Variants in MGAT4C observed in about 807,000 individuals in gnomAD.
MGAT4C encodes the protein MGAT4 family member C, also known as alpha-1,3-mannosyl-glycoprotein 4-beta-N-acetylglucosaminyltransferase C.
In MGAT4C, 19 loss-of-function variants were observed where a neutral mutation model predicts 40.1. The ratio of observed to expected loss-of-function variants is 0.47; its 90% CI spans 0.33 to 0.70. MGAT4C has a LOEUF of 0.70. MGAT4C is among the 30% of genes least tolerant of loss of function. The probability of loss-of-function intolerance (pLI) is 0.02; values close to 1 mark genes in which losing one functional copy is unlikely to be tolerated. For missense variants in MGAT4C, 491 were observed against 563.2 expected (o/e 0.87, Z 1.30); for synonymous variants, 181 against 187.1 (o/e 0.97, Z 0.27).
At chr12:86,098,772 C>T (rs780010961) in intron 1 of MGAT4C, among the ~76,000 whole-genome samples, 1 of 151,524 alleles carries the variant, frequency 6.6e-6, no homozygotes, top group Non-Finnish European at 1.5e-5. Context: ...TGCATGTATT[C>T]TTCTGAATAA....
At chr12:86,327,432 A>G (rs1416781061) in intron 4 of MGAT4C, among the ~76,000 whole-genome samples, 2 of 151,898 alleles carry the variant, frequency 1.3e-5, no homozygotes, top group Non-Finnish European at 2.9e-5. Context: ...CCTAGTCACC[A>G]CCCTGCTAAC....
At chr12:86,615,774 A>G (rs776807379) in intron 2 of MGAT4C, among the ~76,000 whole-genome samples, 1 of 152,034 alleles carries the variant, frequency 6.6e-6, no homozygotes, top group Non-Finnish European at 1.5e-5. Context: ...ACATTTTAGT[A>G]TTTTCCCAAA....
intron 1 of MGAT4C, among the ~76,000 whole-genome samples, chr12:86,102,049 A>G (rs1875183412): frequency 6.6e-6 from 1 of 151,950 alleles, no homozygotes; most frequent in Admixed American, 6.6e-5. Flanking sequence ...CAGAGAAGAG[A>G]AATAAAATAA....
intron 2 of MGAT4C, among the ~76,000 whole-genome samples, chr12:86,550,476 G>A (rs988420775): frequency 1.3e-5 from 2 of 152,126 alleles, no homozygotes; most frequent in Non-Finnish European, 2.9e-5. Context: ...CATCTACTGT[G>A]ACCAAACTGC....
In MGAT4C at chr12:86,054,182, G is replaced by A. The variant is rs552088309; in HGVS notation, c.-56-4459C>T. 2.0e-5 allele frequency among the ~76,000 whole-genome samples: 3 copies of A among 152,114 alleles called. No homozygotes were observed. In the South Asian group the frequency reaches 6.2e-4, roughly 32 times the overall value. On this transcript the variant is annotated intron_variant, in intron 1 of 4. Transcript: ENST00000611864. Reference sequence around the variant, plus strand: ...CACTCTTCATAATAGCCAAGATATGGAGTCAACCCAAGTGTCCAGCAATGG... The same window carrying A: ...CACTCTTCATAATAGCCAAGATATGAAGTCAACCCAAGTGTCCAGCAATGG...
At chr12:86,462,964 T>C (rs1022187713) in intron 2 of MGAT4C, among the ~76,000 whole-genome samples, 22 of 62,354 alleles carry the variant, frequency 3.5e-4, no homozygotes, top group African/African-American at 1.6e-3. Flanking sequence ...CCAAGAACAA[T>C]ACTTTCCATC....
chr12:86,698,706 T>G (rs1031786549), intron 2 of MGAT4C, among the ~76,000 whole-genome samples: 1 of 152,098 alleles, frequency 6.6e-6, no homozygotes, highest in Non-Finnish European at 1.5e-5. Flanking sequence ...TGTTGATTTA[T>G]GTATGAGTGC....
chr12:86,014,252 G>GT (rs1888828573), intron 2 of MGAT4C, among the ~76,000 whole-genome samples: 2 of 152,086 alleles, frequency 1.3e-5, no homozygotes, highest in Non-Finnish European at 2.9e-5. Flanking sequence ...ATTACTGATG[G>GT]TTTTCCCTAC....
In MGAT4C at chr12:86,178,830, G is replaced by A. The variant is rs201008013; in HGVS notation, c.-57+77409C>T. Among the ~76,000 whole-genome samples the A allele has an allele frequency of 2.0e-5, 3 of 152,220 alleles. No individual in the cohort carries two copies. The East Asian group carries it at 5.8e-4, about 29-fold the overall frequency. ...CCAGTATGTTTCTCAATAATGCCTA[G>A]CTTATTTGACTCATAGATCCCTAAC... On this transcript the variant is annotated intron_variant, in intron 1 of 4. Coordinates refer to ENST00000611864, the MANE Select transcript of MGAT4C (RefSeq NM_001351288.2).
chr12:86,500,647 G>T (rs1057421927), intron 2 of MGAT4C, among the ~76,000 whole-genome samples: 8 of 151,882 alleles, frequency 5.3e-5, no homozygotes, highest in African/African-American at 1.9e-4. Flanking sequence ...TCTCAAACAT[G>T]TAAGGAAGAA....
At chr12:86,811,667 A>C (rs778298553) in intron 1 of MGAT4C, among the ~76,000 whole-genome samples, 3 of 151,146 alleles carry the variant, frequency 2.0e-5, no homozygotes, top group African/African-American at 4.8e-5. Flanking sequence ...ATGGCTGTAA[A>C]ATTTATATTA....
intron 1 of MGAT4C, among the ~76,000 whole-genome samples, chr12:86,787,439 C>G (rs2136189571): frequency 6.6e-6 from 1 of 151,772 alleles, no homozygotes; most frequent in Admixed American, 6.6e-5. Context: ...AATATACAAG[C>G]ATGGATATTT....
At chr12:86,383,774 T>A (rs1232068948) in intron 3 of MGAT4C, among the ~76,000 whole-genome samples, 4 of 152,072 alleles carry the variant, frequency 2.6e-5, no homozygotes, top group Non-Finnish European at 1.5e-5. Flanking sequence ...CAGATGAAAC[T>A]TTGGAATGTA....
intron 2 of MGAT4C, among the ~76,000 whole-genome samples, chr12:86,678,289 T>C (rs944973068): frequency 3.9e-5 from 6 of 152,076 alleles, no homozygotes; most frequent in Non-Finnish European, 7.4e-5. Flanking sequence ...TTCCTCAACT[T>C]ACCTTATTCC....
At chr12:86,208,191 C>T (rs112679336) in intron 1 of MGAT4C, among the ~76,000 whole-genome samples, 15 of 152,272 alleles carry the variant, frequency 9.9e-5, no homozygotes, top group Middle Eastern at 3.4e-3. Flanking sequence ...TCAAGCTGGG[C>T]GCAGTGGCTT....
intron 2 of MGAT4C, among the ~76,000 whole-genome samples, chr12:86,049,417 T>C (rs1420059220): frequency 1.3e-5 from 2 of 152,022 alleles, no homozygotes; most frequent in Non-Finnish European, 2.9e-5. Context: ...GATTTTCTTA[T>C]ATGGTTAACA....
In MGAT4C at chr12:86,394,185, T is replaced by G. The variant is rs189033461; in HGVS notation, c.-120+40972A>C. ...TTACTGAATCAACTTGGGGAATGTA[T>G]GCCTTCTTAATTCTCAATTAATAAA... On this transcript the variant is annotated intron_variant, in intron 3 of 7. Transcript: ENST00000548651. Among the ~76,000 whole-genome samples the G allele has an allele frequency of 2.5e-3, 374 of 152,302 alleles. 2 individuals are homozygous for G. The highest frequency in any genetic ancestry group is 3.4e-3 in the Middle Eastern group (1 of 294).
At chr12:85,990,949 A>T (rs929300384) in intron 2 of MGAT4C, among the ~76,000 whole-genome samples, 1 of 152,162 alleles carries the variant, frequency 6.6e-6, no homozygotes, top group African/African-American at 2.4e-5. Flanking sequence ...CTGTTATGGG[A>T]TCTTCAGAGT....
At chr12:86,552,005 CACATTAA>C (rs1323717650) in intron 2 of MGAT4C, among the ~76,000 whole-genome samples, 8 of 126,572 alleles carry the variant, frequency 6.3e-5, no homozygotes, top group Non-Finnish European at 9.7e-5. Context: ...TGTGTAGGCA[CACATTAA>C]ACATTAAAAA....
Sources: allele counts gnomAD v4.1 joint callset (sites outside exome capture counted in the v4.1 genomes callset), GRCh38; gene constraint gnomAD v4.1.1; transcripts MANE v1.5; gene names NCBI Gene and HGNC (gene_info 2026-07-23, HGNC 2026-07-21).